Variants in PRKAA2 observed in about 807,000 individuals in gnomAD.
PRKAA2 encodes the protein protein kinase AMP-activated catalytic subunit alpha 2.
In PRKAA2, 40 loss-of-function variants were observed where a neutral mutation model predicts 56.3. That is an observed-to-expected ratio of 0.71 (90% CI 0.55 to 0.92). The LOEUF (loss-of-function observed/expected upper bound fraction) is 0.92, where lower values mean the gene tolerates loss of function less well. Ranked by LOEUF, PRKAA2 falls within the 40% of genes least tolerant of loss-of-function variation. The pLI, the probability that PRKAA2 is intolerant of heterozygous loss-of-function variation, is 0.00. For synonymous variants in PRKAA2, 214 were observed against 234.2 expected (o/e 0.91, Z 0.79); for missense variants, 542 against 686.9 (o/e 0.79, Z 2.36).
At chr1:56,673,102 TG>T (rs1441855511) in intron 1 of PRKAA2, among the ~76,000 whole-genome samples, 1 of 152,022 alleles carries the variant, frequency 6.6e-6, no homozygotes, top group East Asian at 1.9e-4. Flanking sequence ...TAGAGGAAAT[TG>T]GGGTTCACCT....
chr1:56,672,064 G>A (rs1281624993), intron 1 of PRKAA2, among the ~76,000 whole-genome samples: 1 of 152,128 alleles, frequency 6.6e-6, no homozygotes, highest in Non-Finnish European at 1.5e-5. Flanking sequence ...TGAAATAGAA[G>A]ACACAAGTTT....
intron 1 of PRKAA2, among the ~76,000 whole-genome samples, chr1:56,665,525 C>T (rs778731158): frequency 6.6e-5 from 10 of 152,138 alleles, no homozygotes; most frequent in African/African-American, 2.4e-4. Context: ...TTATGCATTT[C>T]TGTTGGTTAT....
Position 56,685,896 on chromosome 1 carries a change from T to G in PRKAA2, c.237-5498T>G, listed in dbSNP as rs184993046. 1.4e-3 allele frequency among the ~76,000 whole-genome samples: 216 copies of G among 152,322 alleles called. 2 individuals are homozygous for G. The highest frequency in any genetic ancestry group is 5.0e-3 in the South Asian group (24 of 4,830). ...GTGTTTGTATCAATAAATCTTCTGA[T>G]TGGATATTTGATGACATTCATGGTT... On this transcript the variant is annotated intron_variant, in intron 2 of 8. Transcript: ENST00000371244.
intron 2 of PRKAA2, 46 bp from the exon 3 acceptor site, chr1:56,691,348 G>T: frequency 2.2e-6 from 3 of 1,389,672 alleles, no homozygotes; most frequent in Non-Finnish European, 3.0e-6. Flanking sequence ...GTTTGATTTT[G>T]GTTAAAGTAA....
At chr1:56,690,264 C>T (rs923574016) in intron 2 of PRKAA2, among the ~76,000 whole-genome samples, 19 of 151,628 alleles carry the variant, frequency 1.3e-4, no homozygotes, top group African/African-American at 3.6e-4. Flanking sequence ...CCCGGGTTCA[C>T]GCCATTCTCC....
intron 1 of PRKAA2, among the ~76,000 whole-genome samples, chr1:56,653,154 A>C (rs1643914961): frequency 6.6e-6 from 1 of 151,688 alleles, no homozygotes; most frequent in Admixed American, 6.6e-5. Flanking sequence ...AAATAATGAA[A>C]TTATGTTTCT....
chr1:56,660,076 A>G (rs1643982300), intron 1 of PRKAA2, among the ~76,000 whole-genome samples: 1 of 152,170 alleles, frequency 6.6e-6, no homozygotes, highest in South Asian at 2.1e-4. Context: ...TCATCATTAC[A>G]TCACTGTTTC....
chr1:56,713,687 G>T lies in PRKAA2; in HGVS notation c.*5974G>T, dbSNP rs1644384433. On this transcript the variant is annotated 3_prime_UTR_variant, in exon 9 of 9. Transcript: ENST00000371244. ...TGTGTTGATTTAAAATTTCAAGGAG[G>T]AACAAAAACATTCTAGCCAAGGAGA... 1 of 151,578 alleles carries T rather than the reference G, an allele frequency of 6.6e-6. No individual in the cohort carries two copies. Among genetic ancestry groups the T allele is most frequent in the African/African-American group, 2.4e-5 (1 of 41,302 alleles). 9.4% of individuals were successfully genotyped at this position (151,578 alleles called of 1,614,324 possible). A position where few individuals can be genotyped will look rare whatever the true frequency, so the allele number is the denominator to read the frequency against.
intron 1 of PRKAA2, among the ~76,000 whole-genome samples, chr1:56,652,170 G>A (rs762268992): frequency 4.0e-5 from 6 of 151,234 alleles, no homozygotes; most frequent in Non-Finnish European, 7.4e-5. Context: ...GCACCACCAC[G>A]CCCTGCTAAT....
intron 5 of PRKAA2, 137 bp downstream of exon 5, chr1:56,693,989 G>A: frequency 3.6e-6 from 2 of 552,958 alleles, no homozygotes; most frequent in Non-Finnish European, 6.1e-6. Flanking sequence ...CACTGTTAAA[G>A]GGATAATGGT....
rs187985181 is a variant in PRKAA2 at position 56,708,570 on chromosome 1, A to G, written c.*857A>G. ...CAGTGATAAAATAGTTAAATGAAAC[A>G]AAGCAAAGTATCAACAGTCCCTTAA... On this transcript the variant is annotated 3_prime_UTR_variant, in exon 9 of 9. Transcript: ENST00000371244. The G allele has an allele frequency of 4.6e-5, 7 of 152,314 alleles. No individual in the cohort carries two copies. Among genetic ancestry groups the G allele is most frequent in the Admixed American group, 2.6e-4 (4 of 15,308 alleles). 9.4% of individuals were successfully genotyped at this position (152,314 alleles called of 1,614,324 possible). A position where few individuals can be genotyped will look rare whatever the true frequency, so the allele number is the denominator to read the frequency against.
At chr1:56,663,638 C>T (rs1644012095) in intron 1 of PRKAA2, among the ~76,000 whole-genome samples, 1 of 152,192 alleles carries the variant, frequency 6.6e-6, no homozygotes, top group Non-Finnish European at 1.5e-5. Context: ...GGAATGTTTG[C>T]TCAACTTTAA....
At position 56,706,149 on chromosome 1, in the gene PRKAA2, G is replaced by T; in HGVS notation, c.1351G>T (p.Val451Leu). Residue 451 changes from valine to leucine, a missense_variant, in exon 8 of 9, where the codon GTG (valine) becomes TTG (leucine). By Grantham distance (32) the Val-to-Leu change is conservative (BLOSUM62 1). Transcript: ENST00000371244. ...RRKNPVTGNYVKMSLQLYLVD... is the reference protein window; with the variant it reads ...RRKNPVTGNYLKMSLQLYLVD... ...AAAAAATCCAGTGACTGGCAATTAC[G>T]TGAAAATGAGCTTACAACTTTACCT... 2 of 1,613,248 alleles carry T rather than the reference G, an allele frequency of 1.2e-6. No individual in the cohort carries two copies. Among genetic ancestry groups the T allele is most frequent in the Non-Finnish European group, 1.7e-6 (2 of 1,179,328 alleles).
chr1:56,688,125 G>A (rs1422886850), intron 2 of PRKAA2, among the ~76,000 whole-genome samples: 1 of 152,084 alleles, frequency 6.6e-6, no homozygotes, highest in Non-Finnish European at 1.5e-5. Flanking sequence ...ATGTAATCCT[G>A]GAATTTGCCT....
chr1:56,664,194 A>G (rs774032256), intron 1 of PRKAA2, among the ~76,000 whole-genome samples: 1 of 152,220 alleles, frequency 6.6e-6, no homozygotes, highest in Non-Finnish European at 1.5e-5. Context: ...TAAACTTTTC[A>G]TAAGGCCTCA....
intron 6 of PRKAA2, among the ~76,000 whole-genome samples, chr1:56,699,138 G>A (rs1403616759): frequency 6.6e-6 from 1 of 152,060 alleles, no homozygotes; most frequent in Non-Finnish European, 1.5e-5. Flanking sequence ...ATCAGAAACT[G>A]CAAATACTCA....
rs1644369411 is a variant in PRKAA2 at position 56,711,638 on chromosome 1, G to A, written c.*3925G>A. The A allele has an allele frequency of 6.6e-6, 1 of 152,064 alleles. No individual in the cohort carries two copies. 9.4% of individuals were successfully genotyped at this position (152,064 alleles called of 1,614,324 possible). Reference sequence around the variant, plus strand: ...CCCTGTGGCTTTTTAAATAGGGAATGTAATTTATTTTAATAGTAGTTCTCA... The same window carrying A: ...CCCTGTGGCTTTTTAAATAGGGAATATAATTTATTTTAATAGTAGTTCTCA... On this transcript the variant is annotated 3_prime_UTR_variant, in exon 9 of 9. Transcript: ENST00000371244.
chr1:56,669,468 CT>C (rs1387552491), intron 1 of PRKAA2, among the ~76,000 whole-genome samples: 1 of 151,632 alleles, frequency 6.6e-6, no homozygotes, highest in Admixed American at 6.6e-5. Flanking sequence ...AAAAAAAGTG[CT>C]GATTTTGGGG....
intron 1 of PRKAA2, among the ~76,000 whole-genome samples, chr1:56,652,822 C>T (rs187826980): frequency 2.0e-5 from 3 of 152,136 alleles, no homozygotes; most frequent in African/African-American, 7.2e-5. Context: ...TACTTACTTT[C>T]CATTGAAATG....
Sources: gnomAD v4.1 joint callset for allele counts (sites outside exome capture counted in the v4.1 genomes callset) on GRCh38, gnomAD v4.1.1 for gene constraint, MANE v1.5 for transcripts, NCBI Gene and HGNC (gene_info 2026-07-23, HGNC 2026-07-21) for gene names.